Variants in CCSER2 observed in about 807,000 individuals in gnomAD.
The protein encoded by CCSER2 is serine-rich coiled-coil domain-containing protein 2.
In CCSER2, 46 loss-of-function variants were observed where a neutral mutation model predicts 92.3. The observed-to-expected ratio is 0.50, with a 90% CI of 0.39 to 0.64. The LOEUF (loss-of-function observed/expected upper bound fraction) is 0.64, where lower values mean the gene tolerates loss of function less well. Ranked by LOEUF, CCSER2 falls within the 30% of genes least tolerant of loss-of-function variation. The probability of loss-of-function intolerance (pLI) is 0.00; values close to 1 mark genes in which losing one functional copy is unlikely to be tolerated. For synonymous variants in CCSER2, 433 were observed against 431.4 expected (o/e 1.00, Z -0.04); for missense variants, 1,244 against 1,238.9 (o/e 1.00, Z -0.06).
Position 84,372,324 on chromosome 10 carries a change from C to A in CCSER2, c.1272C>A (p.Ser424=). Residue 424 remains serine, a synonymous_variant, in exon 2 of 10, where the codon TCC becomes TCA. Transcript: ENST00000372088. ...ATGATTTTATAGATATAGAAGACTC[C>A]AACAGAACTAGAATAACTCCAGAGG... is the stretch of plus-strand genomic sequence containing the variant. The part of the protein sequence containing the change: ...FSDDFIDIED[S]NRTRITPEEM... The A allele has an allele frequency of 6.2e-7, 1 of 1,611,834 alleles. No homozygotes were observed. Among genetic ancestry groups the A allele is most frequent in the Non-Finnish European group, 8.5e-7 (1 of 1,178,580 alleles).
chr10:84,473,175 A>C (rs1054694402), intron 8 of CCSER2: 1 of 152,078 alleles, frequency 6.6e-6, no homozygotes, highest in Non-Finnish European at 1.5e-5. Flanking sequence ...TCTGTACTCG[A>C]TATATTAAAC....
intron 8 of CCSER2, among the ~76,000 whole-genome samples, chr10:84,476,557 C>T (rs997042137): frequency 4.0e-5 from 6 of 149,748 alleles, no homozygotes; most frequent in East Asian, 4.0e-4. Context: ...CATTCTCCTG[C>T]CTCAGCCTCC....
chr10:84,488,646 C>G (rs1451030547), intron 9 of CCSER2, among the ~76,000 whole-genome samples: 1 of 152,204 alleles, frequency 6.6e-6, no homozygotes, highest in East Asian at 1.9e-4. Context: ...CTTTATTAGT[C>G]TTGCTAGCAG....
intron 1 of CCSER2, among the ~76,000 whole-genome samples, chr10:84,342,289 A>G (rs560056860): frequency 6.6e-6 from 1 of 152,348 alleles, no homozygotes; most frequent in South Asian, 2.1e-4. Flanking sequence ...ATGATATCAT[A>G]TCACAGTATC....
At chr10:84,483,644 A>G (rs889783836) in intron 9 of CCSER2, among the ~76,000 whole-genome samples, 15 of 151,958 alleles carry the variant, frequency 9.9e-5, no homozygotes, top group African/African-American at 3.6e-4. Context: ...TGGAACGCTA[A>G]CCAAAAGACA....
At chr10:84,450,121 A>G (rs546980300) in intron 6 of CCSER2, among the ~76,000 whole-genome samples, 14 of 152,322 alleles carry the variant, frequency 9.2e-5, no homozygotes, top group South Asian at 4.1e-4. Flanking sequence ...ATTTACTTCA[A>G]TACCTGTGTT....
At chr10:84,366,734 C>T (rs1258914868) in intron 1 of CCSER2, among the ~76,000 whole-genome samples, 1 of 152,188 alleles carries the variant, frequency 6.6e-6, no homozygotes, top group Non-Finnish European at 1.5e-5. Context: ...GAGTAGCTTG[C>T]TCCCTGTACA....
intron 1 of CCSER2, among the ~76,000 whole-genome samples, chr10:84,342,763 T>C (rs1253656758): frequency 6.6e-6 from 1 of 152,208 alleles, no homozygotes; most frequent in Non-Finnish European, 1.5e-5. Context: ...TCACAGAAAC[T>C]GTATCTATCT....
In CCSER2 at chr10:84,441,734, ATGTTTTTT is replaced by A. The variant is rs1311846368; in HGVS notation, c.2064+3029_2064+3036del. 2.4e-3 allele frequency among the ~76,000 whole-genome samples: 255 copies of A among 106,414 alleles called. 11 individuals are homozygous for A. The highest frequency in any genetic ancestry group is 4.7e-3 in the Middle Eastern group (1 of 212). The allele number at this position is 106,414 out of a possible 152,430, so 69.8% of individuals were successfully genotyped here. A position where few individuals can be genotyped will look rare whatever the true frequency, so the allele number is the denominator to read the frequency against. ...GGGAATAAAGTAGAAGACTGGGAAAATGTTTTTTTTTTTTTTTTTTTTTTTTTTTTTTT... is the reference window on the plus strand; with the variant it reads ...GGGAATAAAGTAGAAGACTGGGAAAATTTTTTTTTTTTTTTTTTTTTTTTT... On this transcript the variant is annotated intron_variant, in intron 6 of 9. Coordinates refer to ENST00000372088, the MANE Select transcript of CCSER2 (RefSeq NM_001284240.2).
At chr10:84,484,529 TA>T (rs1847691166) in intron 9 of CCSER2, among the ~76,000 whole-genome samples, 2 of 150,352 alleles carry the variant, frequency 1.3e-5, no homozygotes, top group South Asian at 4.2e-4. Context: ...CAAAGGGAAT[TA>T]CTTCTTTGCT....
At chr10:84,340,200 A>G (rs1245878962) in intron 1 of CCSER2, among the ~76,000 whole-genome samples, 4 of 152,214 alleles carry the variant, frequency 2.6e-5, no homozygotes, top group Admixed American at 2.0e-4. Flanking sequence ...GAAAGCTGCT[A>G]GACATATGTT....
intron 1 of CCSER2, among the ~76,000 whole-genome samples, chr10:84,347,013 T>A (rs1179868032): frequency 6.6e-6 from 1 of 152,016 alleles, no homozygotes; most frequent in Non-Finnish European, 1.5e-5. Context: ...CAAGCATCTG[T>A]TTAACAAAGC....
At chr10:84,509,490 G>A (rs1849238551) in intron 9 of CCSER2, among the ~76,000 whole-genome samples, 1 of 152,126 alleles carries the variant, frequency 6.6e-6, no homozygotes, top group South Asian at 2.1e-4. Context: ...TGTCTACCAA[G>A]CCTTTGCACA....
intron 5 of CCSER2, among the ~76,000 whole-genome samples, chr10:84,435,104 T>C (rs868090): frequency 0.28 from 42,988 of 152,058 alleles, 7,967 homozygotes; most frequent in African/African-American, 0.53. Flanking sequence ...TTGAATCTCA[T>C]GGTGGAGGTA....
rs757006941 is a variant in CCSER2, at chr10:84,514,288, A to T, written c.*21A>T. 5 of 1,482,380 alleles carry T rather than the reference A, an allele frequency of 3.4e-6. No homozygotes were observed. The highest frequency in any genetic ancestry group is 4.5e-6 in the Non-Finnish European group (5 of 1,104,774). The allele number at this position is 1,482,380 out of a possible 1,614,324, so 91.8% of individuals were successfully genotyped here. A position where few individuals can be genotyped will look rare whatever the true frequency, so the allele number is the denominator to read the frequency against. On this transcript the variant is annotated 3_prime_UTR_variant, in exon 10 of 10. Transcript: ENST00000372088. Reference sequence around the variant, plus strand: ...ATTAAGTACATAGCCATCACCTGCCAATTTGTTTCTTAAAAACAATCTCTT... The same window carrying T: ...ATTAAGTACATAGCCATCACCTGCCTATTTGTTTCTTAAAAACAATCTCTT...
rs7094623 is a variant in CCSER2, at chr10:84,380,834, A to T, written c.1614+7019A>T. Among the ~76,000 whole-genome samples the T allele has an allele frequency of 6.2e-3, 937 of 151,910 alleles. 6 individuals carry two copies. Among genetic ancestry groups the T allele is most frequent in the African/African-American group, 0.021 (857 of 41,410 alleles). ...CTCAGCCTCCCAAGTAGCTGGGACT[A>T]CAGGTGCCTGCCACCACGCCAGGCT... On this transcript the variant is annotated intron_variant, in intron 3 of 9. Transcript: ENST00000372088.
chr10:84,485,671 C>T (rs527443109), intron 9 of CCSER2, among the ~76,000 whole-genome samples: 8 of 152,218 alleles, frequency 5.3e-5, no homozygotes, highest in South Asian at 4.1e-4. Context: ...TGGTATGTCT[C>T]TCCATTAATT....
At chr10:84,346,293 A>T (rs569925216) in intron 1 of CCSER2, among the ~76,000 whole-genome samples, 3 of 151,980 alleles carry the variant, frequency 2.0e-5, no homozygotes, top group East Asian at 3.9e-4. Flanking sequence ...TGAATTCCCG[A>T]CCTCAGGTGA....
chr10:84,466,792 C>A (rs1210927913), intron 7 of CCSER2, among the ~76,000 whole-genome samples: 1 of 152,002 alleles, frequency 6.6e-6, no homozygotes. Flanking sequence ...GGATTACAGG[C>A]GTAAGCCACC....
Sources: gnomAD v4.1 joint callset for allele counts (sites outside exome capture counted in the v4.1 genomes callset) on GRCh38, gnomAD v4.1.1 for gene constraint, MANE v1.5 for transcripts, NCBI Gene and HGNC (gene_info 2026-07-23, HGNC 2026-07-21) for gene names.